The following CDK8 variants were observed in gnomAD, a reference collection of about 807,000 sequenced individuals.
The protein encoded by CDK8 is cyclin dependent kinase 8, also known as cyclin-dependent kinase 8.
Under a neutral mutation model 71.5 loss-of-function variants are expected in CDK8, and 29 were observed. The observed-to-expected ratio is 0.41, with a 90% CI of 0.30 to 0.55. CDK8 has a LOEUF of 0.55. Ranked by LOEUF, CDK8 falls within the 20% of genes least tolerant of loss-of-function variation. The pLI is 0.37. For synonymous variants in CDK8, 161 were observed against 192.1 expected (o/e 0.84, Z 1.34); for missense variants, 288 against 572.6 (o/e 0.50, Z 5.07).
At chr13:26,373,307 T>G (rs1035482623) in intron 4 of CDK8, among the ~76,000 whole-genome samples, 1 of 152,200 alleles carries the variant, frequency 6.6e-6, no homozygotes, top group Non-Finnish European at 1.5e-5. Context: ...ATAGATACAG[T>G]GTCTGTTTTG....
At chr13:26,295,561 T>C (rs545954057) in intron 1 of CDK8, among the ~76,000 whole-genome samples, 8 of 152,304 alleles carry the variant, frequency 5.3e-5, no homozygotes, top group African/African-American at 1.9e-4. Flanking sequence ...TGAAGAACTT[T>C]GTTGAATGAG....
At chr13:26,340,810 A>G (rs17083854) in intron 2 of CDK8, among the ~76,000 whole-genome samples, 1,728 of 152,198 alleles carry the variant, frequency 0.011, 31 homozygotes, top group African/African-American at 0.039. Flanking sequence ...TTTCTTCCCC[A>G]GTTTGTGCTA....
At chr13:26,299,610 G>T (rs1212769643) in intron 1 of CDK8, among the ~76,000 whole-genome samples, 2 of 152,170 alleles carry the variant, frequency 1.3e-5, no homozygotes, top group Non-Finnish European at 2.9e-5. Context: ...AGTGATTTCA[G>T]TCATCTTGGC....
At chr13:26,348,930 G>T in intron 2 of CDK8, 142 bp from the exon 3 acceptor site, 1 of 664,426 alleles carries the variant, frequency 1.5e-6, no homozygotes. Context: ...TGAAGTATCC[G>T]TCTCAGAATT....
intron 4 of CDK8, among the ~76,000 whole-genome samples, chr13:26,371,046 G>A (rs180676289): frequency 6.6e-6 from 1 of 152,046 alleles, no homozygotes; most frequent in East Asian, 1.9e-4. Context: ...AGAAAGTCCC[G>A]CAAGATGAAC....
Position 26,264,671 on chromosome 13 carries a change from T to G in CDK8, c.128+9902T>G, listed in dbSNP as rs572293424. On this transcript the variant is annotated intron_variant, in intron 1 of 12. Transcript: ENST00000381527. The stretch of plus-strand genomic sequence containing the variant: ...CTCTACTATCAAACATTGAATTTAT[T>G]TCTATTACGTTAATCTATATCTGCA... Among the ~76,000 whole-genome samples the G allele has an allele frequency of 3.9e-5, 6 of 152,244 alleles. No homozygotes were observed. In the South Asian group the frequency reaches 1.2e-3, roughly 32 times the overall value.
At chr13:26,316,162 C>G (rs1874502947) in intron 1 of CDK8, among the ~76,000 whole-genome samples, 1 of 152,124 alleles carries the variant, frequency 6.6e-6, no homozygotes, top group Non-Finnish European at 1.5e-5. Flanking sequence ...AGTTCTAGAC[C>G]AGCCTGGGCA....
At chr13:26,389,695 A>C (rs1875654382) in intron 6 of CDK8, among the ~76,000 whole-genome samples, 1 of 151,914 alleles carries the variant, frequency 6.6e-6, no homozygotes, top group Non-Finnish European at 1.5e-5. Context: ...AACCACTTTC[A>C]ATTTAAGTTT....
chr13:26,368,154 T>G (rs911218990), intron 4 of CDK8, among the ~76,000 whole-genome samples: 19 of 152,122 alleles, frequency 1.2e-4, no homozygotes, highest in Non-Finnish European at 5.9e-5. Context: ...GACCCCACAT[T>G]TTACACAGTC....
At chr13:26,336,781 C>T (rs1873011130) in intron 1 of CDK8, among the ~76,000 whole-genome samples, 1 of 152,092 alleles carries the variant, frequency 6.6e-6, no homozygotes, top group African/African-American at 2.4e-5. Context: ...GTCTCGATCT[C>T]CTGACCTCGT....
At chr13:26,376,367 C>A (rs1470933216) in intron 4 of CDK8, among the ~76,000 whole-genome samples, 1 of 152,122 alleles carries the variant, frequency 6.6e-6, no homozygotes, top group Non-Finnish European at 1.5e-5. Context: ...TTAGTTATCT[C>A]TTCTTTCTTA....
At chr13:26,272,880 A>G (rs1376429888) in intron 1 of CDK8, among the ~76,000 whole-genome samples, 1 of 152,176 alleles carries the variant, frequency 6.6e-6, no homozygotes, top group Non-Finnish European at 1.5e-5. Flanking sequence ...TGTTGTCTTC[A>G]AGTGAAACAT....
chr13:26,367,007 C>G (rs558261249), intron 4 of CDK8, among the ~76,000 whole-genome samples: 1 of 152,132 alleles, frequency 6.6e-6, no homozygotes, highest in African/African-American at 2.4e-5. Flanking sequence ...TGACACTGGT[C>G]GAACATTTCC....
intron 1 of CDK8, among the ~76,000 whole-genome samples, chr13:26,262,354 T>C (rs192016889): frequency 1.8e-4 from 28 of 152,252 alleles, no homozygotes; most frequent in Admixed American, 9.8e-4. Flanking sequence ...TCTTGGCATA[T>C]TGCCAAATTT....
intron 1 of CDK8, among the ~76,000 whole-genome samples, chr13:26,293,775 T>A (rs1873413669): frequency 6.6e-6 from 1 of 152,198 alleles, no homozygotes; most frequent in Non-Finnish European, 1.5e-5. Context: ...GTTGAGCTAA[T>A]TAACCATAAG....
At chr13:26,278,048 A>G (rs1717620123) in intron 1 of CDK8, among the ~76,000 whole-genome samples, 1 of 152,188 alleles carries the variant, frequency 6.6e-6, no homozygotes, top group Admixed American at 6.5e-5. Context: ...GAATGGAAAA[A>G]GGGGAATTTG....
chr13:26,340,691 C>G (rs1472019082), intron 2 of CDK8, among the ~76,000 whole-genome samples: 1 of 152,120 alleles, frequency 6.6e-6, no homozygotes, highest in African/African-American at 2.4e-5. Flanking sequence ...CAGTTTGTTT[C>G]TTTAATATAA....
intron 2 of CDK8, among the ~76,000 whole-genome samples, chr13:26,339,137 A>C (rs1189317695): frequency 6.6e-6 from 1 of 152,070 alleles, no homozygotes. Context: ...ATTTTTATGA[A>C]GTCTTACTAA....
chr13:26,403,928 T>A, intron 12 of CDK8, 28 bp from the exon 13 acceptor site: 1 of 1,607,174 alleles, frequency 6.2e-7, no homozygotes, highest in Non-Finnish European at 8.5e-7. Flanking sequence ...AGCACCTGAA[T>A]CACACTTTTC....
Sources: allele counts gnomAD v4.1 joint callset (sites outside exome capture counted in the v4.1 genomes callset), GRCh38; gene constraint gnomAD v4.1.1; transcripts MANE v1.5; gene names NCBI Gene and HGNC (gene_info 2026-07-23, HGNC 2026-07-21).